RAB31: variants seen among roughly 807,000 people sequenced by gnomAD.
The protein encoded by RAB31 is ras-related protein Rab-31.
RAB31 carries 21 observed loss-of-function variants against 25.6 expected under a neutral mutation model. The ratio of observed to expected loss-of-function variants is 0.82; its 90% CI spans 0.58 to 1.18. RAB31 has a LOEUF of 1.18. RAB31 is among the 50% of genes most tolerant of loss of function. RAB31 has a pLI of 0.00. For synonymous variants in RAB31, 87 were observed against 84.0 expected (o/e 1.04, Z -0.20); for missense variants, 196 against 250.1 (o/e 0.78, Z 1.46).
intron 5 of RAB31, among the ~76,000 whole-genome samples, chr18:9,827,818 A>G (rs192259212): frequency 4.6e-5 from 7 of 152,380 alleles, no homozygotes; most frequent in African/African-American, 1.4e-4. Context: ...CTGTGAGAAT[A>G]GAAAAGAGAC....
chr18:9,809,434 T>G (rs1362359203), intron 3 of RAB31, among the ~76,000 whole-genome samples: 2 of 152,204 alleles, frequency 1.3e-5, no homozygotes, highest in Non-Finnish European at 2.9e-5. Context: ...ATAGGTTTCT[T>G]TACTGTAGAA....
chr18:9,798,594 G>A (rs2068498013), intron 3 of RAB31, among the ~76,000 whole-genome samples: 1 of 150,326 alleles, frequency 6.7e-6, no homozygotes, highest in Non-Finnish European at 1.5e-5. Context: ...TATAAAGACA[G>A]ATTTCTTTTT....
chr18:9,859,267 A>T lies in RAB31; in HGVS notation c.530A>T (p.Asn177Ile). 1.2e-6 allele frequency: 2 copies of T among 1,613,924 alleles called. No individual in the cohort carries two copies. The highest frequency in any genetic ancestry group is 1.7e-6 in the Non-Finnish European group (2 of 1,179,844). The change falls in exon 7 of 7, where the codon AAC (asparagine) becomes ATC (isoleucine). Residue 177 changes from asparagine to isoleucine, a missense_variant. Transcript: ENST00000578921. Reference sequence around the variant, plus strand: ...CCCTTGGACCCCCATGAAAATGGAAACAATGGAACAATCAAAGTTGAGAAG... The same window carrying T: ...CCCTTGGACCCCCATGAAAATGGAATCAATGGAACAATCAAAGTTGAGAAG... ...IPPLDPHENG[N>I]NGTIKVEKPT...
intron 1 of RAB31, among the ~76,000 whole-genome samples, chr18:9,771,901 A>G (rs745815571): frequency 2.0e-5 from 3 of 152,256 alleles, no homozygotes; most frequent in Non-Finnish European, 4.4e-5. Flanking sequence ...GAGAGTTAAA[A>G]TGTTTCAAAA....
chr18:9,717,427 G>A (rs566639514), intron 1 of RAB31, among the ~76,000 whole-genome samples: 1 of 152,128 alleles, frequency 6.6e-6, no homozygotes, highest in South Asian at 2.1e-4. Context: ...GAAAATTGAA[G>A]GGGCCTGCAG....
chr18:9,711,148 T>G (rs2068014971), intron 1 of RAB31, among the ~76,000 whole-genome samples: 1 of 151,908 alleles, frequency 6.6e-6, no homozygotes, highest in Admixed American at 6.6e-5. Context: ...CAAAACCATT[T>G]GACTGTCTTC....
rs547693407 is a variant in RAB31, at chr18:9,766,072, G to A, written c.40-9206G>A. 3.3e-5 allele frequency among the ~76,000 whole-genome samples: 5 copies of A among 152,260 alleles called. No individual in the cohort carries two copies. The South Asian group carries it at 6.2e-4, about 19-fold the overall frequency. On this transcript the variant is annotated intron_variant, in intron 1 of 6. Transcript: ENST00000578921. The surrounding 1 kb of genome is among the most constrained non-coding windows in gnomAD (Gnocchi z 4.3). Reference sequence around the variant, plus strand: ...ATTTCTGTGGGGTTTCTTTGAAATCGAAAAGGGAAGGTGCAGTGCTTCCTG... The same window carrying A: ...ATTTCTGTGGGGTTTCTTTGAAATCAAAAAGGGAAGGTGCAGTGCTTCCTG...
At chr18:9,727,699 T>C (rs1301939624) in intron 1 of RAB31, among the ~76,000 whole-genome samples, 2 of 152,244 alleles carry the variant, frequency 1.3e-5, no homozygotes, top group African/African-American at 2.4e-5. Context: ...ATATTAAAAA[T>C]GTCTTGTTTC....
At chr18:9,798,300 T>G (rs1379399589) in intron 3 of RAB31, among the ~76,000 whole-genome samples, 2 of 152,184 alleles carry the variant, frequency 1.3e-5, no homozygotes, top group Non-Finnish European at 2.9e-5. Flanking sequence ...TGTCCTTGTC[T>G]GGTGTCCCCT....
At chr18:9,728,405 A>C (rs2068105639) in intron 1 of RAB31, among the ~76,000 whole-genome samples, 1 of 152,246 alleles carries the variant, frequency 6.6e-6, no homozygotes, top group African/African-American at 2.4e-5. Flanking sequence ...TGGGTCAGAG[A>C]ATAGGAGATT....
intron 5 of RAB31, among the ~76,000 whole-genome samples, chr18:9,840,888 A>T (rs2068729953): frequency 6.6e-6 from 1 of 152,180 alleles, no homozygotes; most frequent in Non-Finnish European, 1.5e-5. Flanking sequence ...CAAAGGAAGG[A>T]ATTATGATTA....
intron 1 of RAB31, among the ~76,000 whole-genome samples, chr18:9,724,449 G>A (rs2068088312): frequency 6.6e-6 from 1 of 152,122 alleles, no homozygotes; most frequent in South Asian, 2.1e-4. Flanking sequence ...AACCAGATGT[G>A]CACATTCTTA....
chr18:9,733,836 A>G (rs1050296390), intron 1 of RAB31, among the ~76,000 whole-genome samples: 3 of 152,000 alleles, frequency 2.0e-5, no homozygotes, highest in African/African-American at 2.4e-5. Context: ...GTGATCCTTG[A>G]AATTTGATGC....
intron 5 of RAB31, among the ~76,000 whole-genome samples, chr18:9,839,076 G>C (rs2068719260): frequency 6.6e-6 from 1 of 152,200 alleles, no homozygotes; most frequent in Non-Finnish European, 1.5e-5. Flanking sequence ...CCACGGTTCT[G>C]GTCCGAAGAC....
At chr18:9,760,809 C>T (rs1470948816) in intron 1 of RAB31, among the ~76,000 whole-genome samples, 1 of 152,208 alleles carries the variant, frequency 6.6e-6, no homozygotes, top group African/African-American at 2.4e-5. Context: ...CAGCCCCATC[C>T]TGGTGTTAGG....
intron 1 of RAB31, among the ~76,000 whole-genome samples, chr18:9,711,098 A>G (rs1479775145): frequency 4.6e-5 from 7 of 152,094 alleles, no homozygotes; most frequent in Non-Finnish European, 7.4e-5. Context: ...TGCTCATCCA[A>G]TTAGGCTGAT....
At chr18:9,857,694 A>AGATAGAT (rs1568198176) in intron 6 of RAB31, among the ~76,000 whole-genome samples, 8 of 128,452 alleles carry the variant, frequency 6.2e-5, no homozygotes, top group African/African-American at 2.0e-4. Flanking sequence ...GATGATAGAT[A>AGATAGAT]GATAGATAGA....
chr18:9,781,166 C>A (rs2068402228), intron 2 of RAB31, among the ~76,000 whole-genome samples: 1 of 151,000 alleles, frequency 6.6e-6, no homozygotes, highest in African/African-American at 2.4e-5. Flanking sequence ...TTTTTTTGTA[C>A]AATTTTTAAC....
rs539679769 is a variant in RAB31 at position 9,761,810 on chromosome 18, A to G, written c.40-13468A>G. ...GGTCGCAAGCATCTTTCATTTGTTTATTTATTTATTTATTTAAGACAGAGT... is the reference window on the plus strand; with the variant it reads ...GGTCGCAAGCATCTTTCATTTGTTTGTTTATTTATTTATTTAAGACAGAGT... On this transcript the variant is annotated intron_variant, in intron 1 of 6. Coordinates refer to ENST00000578921, the MANE Select transcript of RAB31 (RefSeq NM_006868.4). Among the ~76,000 whole-genome samples the G allele has an allele frequency of 5.9e-5, 9 of 152,106 alleles. 1 individual carries two copies. The highest frequency in any genetic ancestry group is 1.9e-4 in the African/African-American group (8 of 41,494).
Sources: gnomAD v4.1 joint callset for allele counts (sites outside exome capture counted in the v4.1 genomes callset) on GRCh38, gnomAD v4.1.1 for gene constraint, Gnocchi (gnomAD v3.1) non-coding constraint, MANE v1.5 for transcripts, NCBI Gene and HGNC (gene_info 2026-07-23, HGNC 2026-07-21) for gene names.